Variants in RUNX1 observed in about 807,000 individuals in gnomAD.
RUNX1 encodes the protein runt-related transcription factor 1.
A neutral mutation model predicts 42.8 loss-of-function variants in RUNX1; 19 were observed. The ratio of observed to expected loss-of-function variants is 0.44; its 90% CI spans 0.31 to 0.65. RUNX1 has a LOEUF of 0.65. Ranked by LOEUF, RUNX1 falls within the 30% of genes least tolerant of loss-of-function variation. The pLI is 0.07. For missense variants in RUNX1, 528 were observed against 672.0 expected (o/e 0.79, Z 2.37); for synonymous variants, 271 against 289.4 (o/e 0.94, Z 0.64).
At position 34,913,783 on chromosome 21, in the gene RUNX1, G is replaced by T. The variant is rs553876570; in HGVS notation, c.59-20820C>A. ...TAACAATGTATTACACTGACACGAAGTTGTGTTTTGGCTCTTGATTGAACC... is the reference window on the plus strand; with the variant it reads ...TAACAATGTATTACACTGACACGAATTTGTGTTTTGGCTCTTGATTGAACC... On this transcript the variant is annotated intron_variant, in intron 2 of 8. Coordinates refer to ENST00000675419, the MANE Select transcript of RUNX1 (RefSeq NM_001754.5). 9.9e-5 allele frequency among the ~76,000 whole-genome samples: 15 copies of T among 152,280 alleles called. No individual in the cohort carries two copies. The South Asian group carries it at 2.9e-3, about 29-fold the overall frequency.
chr21:34,968,168 T>A (rs572820391), intron 2 of RUNX1, among the ~76,000 whole-genome samples: 1 of 152,174 alleles, frequency 6.6e-6, no homozygotes, highest in Non-Finnish European at 1.5e-5. Flanking sequence ...TATGTCTGAG[T>A]GGGCGAGTTG....
chr21:35,001,278 T>C (rs1488712376), intron 2 of RUNX1, among the ~76,000 whole-genome samples: 1 of 138,142 alleles, frequency 7.2e-6, no homozygotes, highest in African/African-American at 2.7e-5. Flanking sequence ...CAATAAGTTT[T>C]TGGCCTATTA....
At chr21:35,035,034 A>T (rs1271326653) in intron 2 of RUNX1, among the ~76,000 whole-genome samples, 1 of 152,230 alleles carries the variant, frequency 6.6e-6, no homozygotes, top group Non-Finnish European at 1.5e-5. Context: ...TCACTGGGAT[A>T]ACCCACTTGG....
chr21:35,001,459 A>G (rs1378096793), intron 2 of RUNX1, among the ~76,000 whole-genome samples: 1 of 152,054 alleles, frequency 6.6e-6, no homozygotes, highest in African/African-American at 2.4e-5. Context: ...TTAATTGCCC[A>G]AATAAAGACT....
intron 6 of RUNX1, among the ~76,000 whole-genome samples, chr21:34,849,274 T>TA (rs2057361958): frequency 4.4e-5 from 3 of 68,260 alleles, no homozygotes; most frequent in African/African-American, 1.7e-4. Context: ...ATATAATATA[T>TA]ATATAATATA....
chr21:34,962,287 A>T (rs992981048), intron 2 of RUNX1, among the ~76,000 whole-genome samples: 8 of 152,200 alleles, frequency 5.3e-5, no homozygotes, highest in Non-Finnish European at 8.8e-5. Context: ...ATATTTTTAA[A>T]CATTTAGGAA....
At chr21:34,991,565 TG>T (rs1403952963) in intron 2 of RUNX1, among the ~76,000 whole-genome samples, 43 of 152,032 alleles carry the variant, frequency 2.8e-4, no homozygotes, top group South Asian at 4.2e-4. Context: ...ATGATGATGA[TG>T]ATGATGATGG....
chr21:34,809,112 C>T (rs1197164830), intron 7 of RUNX1, among the ~76,000 whole-genome samples: 6 of 152,112 alleles, frequency 3.9e-5, no homozygotes, highest in African/African-American at 9.7e-5. Flanking sequence ...CTCTGCCCCC[C>T]GTATACAACT....
intron 8 of RUNX1, among the ~76,000 whole-genome samples, chr21:34,795,428 C>T (rs1453898327): frequency 6.6e-6 from 1 of 152,146 alleles, no homozygotes; most frequent in Non-Finnish European, 1.5e-5. Context: ...AAATGAACTC[C>T]TCTGTACCTT....
intron 2 of RUNX1, among the ~76,000 whole-genome samples, chr21:34,985,381 G>A (rs1260348771): frequency 1.3e-5 from 2 of 152,208 alleles, no homozygotes; most frequent in East Asian, 3.9e-4. Context: ...GGAGAGCAGA[G>A]GTAGCCAGAG....
intron 2 of RUNX1, among the ~76,000 whole-genome samples, chr21:34,931,401 C>T (rs1267482004): frequency 2.1e-5 from 3 of 140,190 alleles, no homozygotes; most frequent in Non-Finnish European, 4.5e-5. Context: ...ATAATATATA[C>T]ACGTGTATAT....
At chr21:34,928,149 A>G (rs1273227776) in intron 2 of RUNX1, among the ~76,000 whole-genome samples, 1 of 152,188 alleles carries the variant, frequency 6.6e-6, no homozygotes, top group Admixed American at 6.5e-5. Flanking sequence ...TTAGTTTCTT[A>G]GTTGCAATAG....
intron 7 of RUNX1, chr21:34,834,031 GTGTGTC>G (rs1263919538): frequency 2.0e-5 from 8 of 405,434 alleles, no homozygotes; most frequent in African/African-American, 1.6e-4. Context: ...GTGTGTGTGT[GTGTGTC>G]TGCGTGTGTG....
intron 2 of RUNX1, among the ~76,000 whole-genome samples, chr21:34,960,336 G>A (rs1223205925): frequency 6.6e-6 from 1 of 152,182 alleles, no homozygotes; most frequent in Non-Finnish European, 1.5e-5. Flanking sequence ...GAGCATCCCA[G>A]GCTTGGTCCC....
chr21:34,942,913 C>T (rs114686623), intron 2 of RUNX1, among the ~76,000 whole-genome samples: 235 of 152,296 alleles, frequency 1.5e-3, no homozygotes, highest in African/African-American at 5.4e-3. Flanking sequence ...TCTTTCTCCC[C>T]GGACCAGATG....
Position 34,792,182 on chromosome 21 carries a change from T to C in RUNX1, c.1396A>G (p.Met466Val), listed in dbSNP as rs762213305. ...EGSHSNSPTN[M>V]APSARLEEAV... ...TCCTCCAGGCGCGCGGAGGGCGCCA[T>C]GTTGGTGGGGGAGTTGCTGTGGCTG... is the stretch of plus-strand genomic sequence containing the variant. Residue 466 changes from methionine (M) to valine (V), a missense_variant, in exon 9 of 9, where the codon ATG (methionine) becomes GTG (valine). Met to Val is a conservative substitution (Grantham distance 21). Transcript: ENST00000675419. The surrounding 1 kb of genome is among the most constrained non-coding windows in gnomAD (Gnocchi z 6.9). 5 of 1,530,350 alleles carry C rather than the reference T, an allele frequency of 3.3e-6. No individual in the cohort carries two copies. Among genetic ancestry groups the C allele is most frequent in the Non-Finnish European group, 4.4e-6 (5 of 1,144,916 alleles). The allele number at this position is 1,530,350 out of a possible 1,614,324, so 94.8% of individuals were successfully genotyped here. A position where few individuals can be genotyped will look rare whatever the true frequency, so the allele number is the denominator to read the frequency against.
intron 6 of RUNX1, among the ~76,000 whole-genome samples, chr21:34,841,005 G>T (rs758925055): frequency 5.3e-5 from 8 of 152,156 alleles, no homozygotes; most frequent in Non-Finnish European, 1.0e-4. Context: ...CTTAAAATTT[G>T]CTAGGAAGTT....
chr21:34,890,368 C>T (rs896506710), intron 3 of RUNX1, among the ~76,000 whole-genome samples: 1 of 152,214 alleles, frequency 6.6e-6, no homozygotes, highest in Non-Finnish European at 1.5e-5. Context: ...CCAGAGCCCA[C>T]TTGAGCTGGA....
rs149248004 is a variant in RUNX1 at position 34,912,746 on chromosome 21, G to A, written c.59-19783C>T. On this transcript the variant is annotated intron_variant, in intron 2 of 8. Coordinates refer to ENST00000675419, the MANE Select transcript of RUNX1 (RefSeq NM_001754.5). ...ATACCTGAAACTCCGGATCAGTCAC[G>A]TAATTGTTTCCAGATATACAGGACA... Among the ~76,000 whole-genome samples the A allele has an allele frequency of 1.7e-3, 252 of 152,304 alleles. 3 individuals carry two copies. The highest frequency in any genetic ancestry group is 1.1e-3 in the Non-Finnish European group (76 of 68,018).
Sources: allele counts gnomAD v4.1 joint callset (sites outside exome capture counted in the v4.1 genomes callset), GRCh38; gene constraint gnomAD v4.1.1; non-coding constraint Gnocchi (gnomAD v3.1); transcripts MANE v1.5; gene names NCBI Gene and HGNC (gene_info 2026-07-23, HGNC 2026-07-21).